The following CHN1 variants were observed in gnomAD, a reference collection of about 807,000 sequenced individuals.
The protein encoded by CHN1 is N-chimaerin.
In CHN1, 37 loss-of-function variants were observed where a neutral mutation model predicts 59.5. The ratio of observed to expected loss-of-function variants is 0.62; its 90% CI spans 0.48 to 0.82. The LOEUF is 0.82. Among genes scored for constraint, CHN1 ranks in the 40% least tolerant of loss-of-function variants. The pLI, the probability that CHN1 is intolerant of heterozygous loss-of-function variation, is 0.00. For synonymous variants in CHN1, 206 were observed against 200.4 expected (o/e 1.03, Z -0.24); for missense variants, 469 against 571.0 (o/e 0.82, Z 1.82).
At chr2:174,960,273 T>C (rs899679132) in intron 1 of CHN1, among the ~76,000 whole-genome samples, 2 of 152,198 alleles carry the variant, frequency 1.3e-5, no homozygotes, top group Non-Finnish European at 2.9e-5. Flanking sequence ...TATCACAATA[T>C]TACTTTTAAA....
chr2:174,858,661 C>T (rs1158842830), intron 6 of CHN1, among the ~76,000 whole-genome samples: 2 of 151,996 alleles, frequency 1.3e-5, no homozygotes, highest in Non-Finnish European at 2.9e-5. Flanking sequence ...TTATGAAATT[C>T]CTGTTAGTTC....
chr2:174,931,946 C>G (rs1345745299), intron 3 of CHN1, among the ~76,000 whole-genome samples: 1 of 152,110 alleles, frequency 6.6e-6, no homozygotes, highest in Non-Finnish European at 1.5e-5. Flanking sequence ...GGCAAGGAAG[C>G]AGTAAGAGAT....
intron 5 of CHN1, among the ~76,000 whole-genome samples, chr2:174,902,850 TTCTC>T (rs1408048276): frequency 6.6e-6 from 1 of 152,228 alleles, no homozygotes; most frequent in African/African-American, 2.4e-5. Context: ...TCTACTATGA[TTCTC>T]TGGCTTTACT....
chr2:174,985,474 T>C (rs1179934223), intron 1 of CHN1, among the ~76,000 whole-genome samples: 1 of 152,042 alleles, frequency 6.6e-6, no homozygotes, highest in Non-Finnish European at 1.5e-5. Context: ...CATCATCTTG[T>C]TTTTAAATAA....
At chr2:174,990,328 CG>C (rs974015250) in intron 1 of CHN1, among the ~76,000 whole-genome samples, 2 of 1,960 alleles carry the variant, frequency 1.0e-3, no homozygotes, top group Admixed American at 8.6e-3. Flanking sequence ...TGGGGGGGTG[CG>C]GGGGGGCGGG....
intron 3 of CHN1, among the ~76,000 whole-genome samples, chr2:174,935,236 G>A (rs1029080998): frequency 2.6e-5 from 4 of 152,124 alleles, no homozygotes; most frequent in Non-Finnish European, 2.9e-5. Flanking sequence ...TTGAGCTACC[G>A]CTCCATTCCC....
At chr2:174,814,252 G>A (rs1265815032) in intron 8 of CHN1, among the ~76,000 whole-genome samples, 1 of 152,260 alleles carries the variant, frequency 6.6e-6, no homozygotes, top group East Asian at 1.9e-4. Flanking sequence ...AGGAATGTCA[G>A]CTTGTGAATA....
chr2:174,876,527 C>T (rs544515770), intron 6 of CHN1, among the ~76,000 whole-genome samples: 24 of 152,240 alleles, frequency 1.6e-4, no homozygotes, highest in African/African-American at 5.8e-4. Flanking sequence ...TAAGTTCTGG[C>T]TACTTCCAAA....
At chr2:174,920,931 A>G in intron 3 of CHN1, 1 of 424,006 alleles carries the variant, frequency 2.4e-6, no homozygotes. Context: ...GTGATGGGAG[A>G]CAGTGACAGA....
At chr2:174,845,118 G>A (rs1686461858) in intron 7 of CHN1, among the ~76,000 whole-genome samples, 1 of 152,092 alleles carries the variant, frequency 6.6e-6, no homozygotes, top group Non-Finnish European at 1.5e-5. Flanking sequence ...AACACAAAAA[G>A]AGTTTGTTTA....
intron 5 of CHN1, among the ~76,000 whole-genome samples, chr2:174,903,348 C>A (rs1688448255): frequency 6.6e-6 from 1 of 152,186 alleles, no homozygotes; most frequent in African/African-American, 2.4e-5. Context: ...GACAATAGGG[C>A]AAACCTCTGC....
chr2:174,984,377 T>C (rs1021875492), intron 1 of CHN1, among the ~76,000 whole-genome samples: 1 of 148,976 alleles, frequency 6.7e-6, no homozygotes, highest in African/African-American at 2.5e-5. Context: ...TTTTTTTTTT[T>C]TTTTTTTTTT....
intron 5 of CHN1, among the ~76,000 whole-genome samples, chr2:174,885,021 C>T (rs572857247): frequency 1.3e-5 from 2 of 152,052 alleles, no homozygotes; most frequent in South Asian, 2.1e-4. Context: ...GGCGCGGTGG[C>T]TCATGCCTGT....
At chr2:174,836,034 T>C (rs1213522710) in intron 7 of CHN1, among the ~76,000 whole-genome samples, 1 of 152,046 alleles carries the variant, frequency 6.6e-6, no homozygotes, top group Non-Finnish European at 1.5e-5. Flanking sequence ...TGTGTGCAGC[T>C]CTGTCTCCTC....
intron 5 of CHN1, among the ~76,000 whole-genome samples, chr2:174,914,793 C>T (rs1321222164): frequency 7.1e-6 from 1 of 140,980 alleles, no homozygotes; most frequent in South Asian, 2.2e-4. Flanking sequence ...TGCAGTGAGC[C>T]GAGATCGTGC....
At chr2:174,803,259 C>T (rs1054314384) in intron 11 of CHN1, among the ~76,000 whole-genome samples, 1 of 152,090 alleles carries the variant, frequency 6.6e-6, no homozygotes, top group Admixed American at 6.5e-5. Context: ...GTAAAAATTT[C>T]CTAGCACTGG....
At chr2:174,885,285 A>G (rs1687863173) in intron 5 of CHN1, among the ~76,000 whole-genome samples, 1 of 150,120 alleles carries the variant, frequency 6.7e-6, no homozygotes, top group African/African-American at 2.5e-5. Context: ...AAAAAAAAGA[A>G]AAAAAAATAT....
At chr2:174,826,523 TG>T (rs1336019208) in intron 7 of CHN1, among the ~76,000 whole-genome samples, 1 of 152,158 alleles carries the variant, frequency 6.6e-6, no homozygotes, top group Non-Finnish European at 1.5e-5. Context: ...AAAGATGCAA[TG>T]AAAGTATGAA....
chr2:174,951,286 C>T (rs1188400695), intron 2 of CHN1, among the ~76,000 whole-genome samples: 1 of 151,876 alleles, frequency 6.6e-6, no homozygotes, highest in Non-Finnish European at 1.5e-5. Flanking sequence ...AAAGTGGCAA[C>T]CTATTAAAAA....
Sources: allele counts gnomAD v4.1 joint callset (sites outside exome capture counted in the v4.1 genomes callset), GRCh38; gene constraint gnomAD v4.1.1; transcripts MANE v1.5; gene names NCBI Gene and HGNC (gene_info 2026-07-23, HGNC 2026-07-21).